The following ABCC6 variants were observed in gnomAD, a reference collection of about 807,000 sequenced individuals.
The protein encoded by ABCC6 is ATP-binding cassette sub-family C member 6.
In ABCC6, 126 loss-of-function variants were observed where a neutral mutation model predicts 169.5. The observed-to-expected ratio is 0.74, with a 90% CI of 0.64 to 0.86. ABCC6 has a LOEUF of 0.86. Among genes scored for constraint, ABCC6 ranks in the 40% least tolerant of loss-of-function variants. The pLI, the probability that ABCC6 is intolerant of heterozygous loss-of-function variation, is 0.00. For synonymous variants in ABCC6, 752 were observed against 814.7 expected, an observed-to-expected ratio of 0.92 and a Z score of 1.31; for missense variants, 1,733 against 1,927.2, an observed-to-expected ratio of 0.90 and a Z score of 1.89.
intron 9 of ABCC6, 141 bp from the exon 10 acceptor site, chr16:16,198,323 G>T: frequency 1.2e-6 from 1 of 836,456 alleles, no homozygotes; most frequent in Non-Finnish European, 1.8e-6. Flanking sequence ...ACCTCTCAGG[G>T]CTCTTTGAGG....
intron 9 of ABCC6, among the ~76,000 whole-genome samples, chr16:16,201,452 G>A (rs1256911932): frequency 2.0e-5 from 3 of 152,208 alleles, no homozygotes; most frequent in African/African-American, 4.8e-5. Flanking sequence ...AAGGCCCCAG[G>A]GTGGGTGGGG....
chr16:16,173,601 CT>C (rs972726015), intron 20 of ABCC6, among the ~76,000 whole-genome samples, 197 bp from the exon 21 acceptor site: 2 of 152,126 alleles, frequency 1.3e-5, no homozygotes, highest in African/African-American at 4.8e-5. Context: ...TAAATGCCAT[CT>C]ATTACCCCAG....
chr16:16,162,660 T>C (rs184053701), intron 24 of ABCC6, among the ~76,000 whole-genome samples: 208 of 152,296 alleles, frequency 1.4e-3, no homozygotes, highest in African/African-American at 4.8e-3. Flanking sequence ...CCTGTGTCTA[T>C]TTGTGCTTAA....
chr16:16,185,123 C>A (rs1042175572), intron 14 of ABCC6, 89 bp from the exon 15 acceptor site: 6 of 1,223,092 alleles, frequency 4.9e-6, no homozygotes, highest in South Asian at 3.6e-5. Flanking sequence ...CCCCCGCCCC[C>A]CCCAGGGGCA....
In ABCC6 at chr16:16,154,628, C is replaced by A; in HGVS notation, c.4208G>T (p.Ser1403Ile). 6.2e-7 allele frequency: 1 copy of A among 1,611,982 alleles called. No homozygotes were observed. The highest frequency in any genetic ancestry group is 8.5e-7 in the Non-Finnish European group (1 of 1,180,000). ...YKCADRGEDL[S>I]VGQKQLLCLA... ...CCCAGCCATGGTGGGACGACCATAC[C>A]TCAGGTCCTCGCCTCGGTCAGCACA... The change falls in exon 29 of 31, where the codon AGC becomes ATC. Residue 1403 changes from serine (S) to isoleucine (I), a missense_variant and splice_region_variant. Physicochemically the swap from Ser to Ile is moderately radical, Grantham distance 142. This residue lies in a region of ABCC6 where 1,601 missense variants were observed against 1,635.5 expected (regional missense o/e 0.98). Coordinates refer to ENST00000205557, the MANE Select transcript of ABCC6 (RefSeq NM_001171.6).
intron 27 of ABCC6, 184 bp from the exon 28 acceptor site, chr16:16,155,215 CATCT>C: frequency 1.5e-6 from 1 of 684,296 alleles, no homozygotes; most frequent in Non-Finnish European, 2.4e-6. Flanking sequence ...TCCAGTCTTC[CATCT>C]GTGTTCTTCT....
intron 25 of ABCC6, among the ~76,000 whole-genome samples, 184 bp downstream of exon 25, chr16:16,161,236 ACAAGGAAAGACTCTTGCC>A (rs201073705): frequency 0.031 from 4,762 of 152,366 alleles, 97 homozygotes; most frequent in Middle Eastern, 0.088. Context: ...CTGACACTCC[ACAAGGAAAGACTCTTGCC>A]CAAGGTTGCA....
intron 10 of ABCC6, among the ~76,000 whole-genome samples, chr16:16,195,951 C>T (rs1365126075): frequency 5.3e-5 from 8 of 152,000 alleles, no homozygotes; most frequent in African/African-American, 9.7e-5. Flanking sequence ...GGCTCATGCC[C>T]GTAATCCCAG....
intron 7 of ABCC6, 139 bp from the exon 8 acceptor site, chr16:16,203,752 C>G: frequency 1.0e-6 from 1 of 959,686 alleles, no homozygotes; most frequent in Non-Finnish European, 1.6e-6. Context: ...TCACCTGTTC[C>G]TCCTTATCAC....
intron 27 of ABCC6, 50 bp downstream of exon 27, chr16:16,157,612 AG>A: frequency 6.2e-7 from 1 of 1,611,864 alleles, no homozygotes. Flanking sequence ...TTGTCCCTGG[AG>A]TCCTTTGGCC....
chr16:16,190,223 G>T lies in ABCC6; in HGVS notation c.1576C>A (p.Arg526=). The change falls in exon 12 of 31, where the codon CGG becomes AGG. Residue 526 remains arginine (R), a synonymous_variant. Transcript: ENST00000205557. ...GIRGQELGAL[R]TSGLLFSVSL... ...ACAGAGAAGAGGAGGCCGGAGGTCC[G>T]CAAGGCGCCCAGCTCCTGGCCTCGG... The T allele has an allele frequency of 6.2e-7, 1 of 1,613,986 alleles. No individual in the cohort carries two copies. The highest frequency in any genetic ancestry group is 1.3e-5 in the African/African-American group (1 of 74,988).
rs1218559074 is a variant in ABCC6 at position 16,187,039 on chromosome 16, C to A, written c.1867+85G>T. 6.5e-6 allele frequency: 8 copies of A among 1,224,588 alleles called. No homozygotes were observed. In the East Asian group the frequency reaches 1.5e-4, roughly 23 times the overall value. The allele number at this position is 1,224,588 out of a possible 1,614,324, so 75.9% of individuals were successfully genotyped here. On this transcript the variant is annotated intron_variant, in intron 14 of 30. Coordinates refer to ENST00000205557, the MANE Select transcript of ABCC6 (RefSeq NM_001171.6). ...CCGCAGCCCCCATCTCCCCCCAGTA[C>A]TGATGCTGGCTTGCCATTATGGGCT...
intron 7 of ABCC6, among the ~76,000 whole-genome samples, chr16:16,205,283 G>A (rs1365087314): frequency 1.3e-5 from 2 of 152,214 alleles, no homozygotes; most frequent in African/African-American, 4.8e-5. Flanking sequence ...AGAAGGGGAA[G>A]CTGAGGCTCT....
At chr16:16,215,796 C>A (rs559837736) in intron 4 of ABCC6, among the ~76,000 whole-genome samples, 4 of 151,674 alleles carry the variant, frequency 2.6e-5, no homozygotes, top group Non-Finnish European at 5.9e-5. Flanking sequence ...TTCTGGATGA[C>A]GTGAGATATT....
chr16:16,190,583 G>A (rs1361206149), intron 11 of ABCC6, among the ~76,000 whole-genome samples: 2 of 151,830 alleles, frequency 1.3e-5, no homozygotes, highest in Admixed American at 1.3e-4. Flanking sequence ...TGTGCCCCAT[G>A]GAGGAAGCCT....
At position 16,161,553 on chromosome 16, in the gene ABCC6, G is replaced by A. The variant is rs1555508661; in HGVS notation, c.3518C>T (p.Ala1173Val). The change falls in exon 25 of 31, where the codon GCC becomes GTC. Residue 1173 changes from alanine to valine, a missense_variant. Physicochemically the swap from Ala to Val is moderately conservative, Grantham distance 64. Around this residue, in one of 5 missense-constraint regions of ABCC6, gnomAD observed 1,601 missense variants for 1,635.5 expected, o/e 0.98. Coordinates refer to ENST00000205557, the MANE Select transcript of ABCC6 (RefSeq NM_001171.6). ...PRLVADRWLAANVELLGNGLV... is the reference protein window; with the variant it reads ...PRLVADRWLAVNVELLGNGLV... ...GCCATTCCCCAGGAGCTCCACATTGGCCGCAAGCCACCTGCAAAGGGAAGC... is the reference window on the plus strand; with the variant it reads ...GCCATTCCCCAGGAGCTCCACATTGACCGCAAGCCACCTGCAAAGGGAAGC... The A allele has an allele frequency of 6.2e-7, 1 of 1,613,918 alleles. No individual in the cohort carries two copies. Among genetic ancestry groups the A allele is most frequent in the Admixed American group, 1.7e-5 (1 of 60,018 alleles).
chr16:16,222,870 G>A (rs2049119871), intron 1 of ABCC6, among the ~76,000 whole-genome samples: 2 of 152,156 alleles, frequency 1.3e-5, no homozygotes, highest in South Asian at 2.1e-4. Context: ...GGGGGAAAAC[G>A]AGACTCTACC....
At chr16:16,160,628 CAAAAA>C (rs34511090) in intron 25 of ABCC6, among the ~76,000 whole-genome samples, 5,174 of 76,304 alleles carry the variant, frequency 0.068, 334 homozygotes, top group African/African-American at 0.23. Context: ...CTGTTTCTAC[CAAAAA>C]AAAAAAAAAA....
intron 29 of ABCC6, 104 bp from the exon 30 acceptor site, chr16:16,150,876 G>T (rs1437739018): frequency 7.2e-6 from 11 of 1,538,412 alleles, no homozygotes; most frequent in Middle Eastern, 1.7e-4. Flanking sequence ...GGAGTGAGGT[G>T]CCTGTGTTCA....
Sources: gnomAD v4.1 joint callset for allele counts (sites outside exome capture counted in the v4.1 genomes callset) on GRCh38, gnomAD v4.1.1 for gene constraint, gnomAD v4.1.1 regional missense constraint, MANE v1.5 for transcripts, NCBI Gene and HGNC (gene_info 2026-07-23, HGNC 2026-07-21) for gene names.